The following ARHGEF11 variants were observed in gnomAD, a reference collection of about 807,000 sequenced individuals.
ARHGEF11 encodes the protein Rho guanine nucleotide exchange factor 11.
ARHGEF11 carries 55 observed loss-of-function variants against 193.7 expected under a neutral mutation model. The ratio of observed to expected loss-of-function variants is 0.28; its 90% CI spans 0.23 to 0.36. The LOEUF (loss-of-function observed/expected upper bound fraction) is 0.36. ARHGEF11 is among the 10% of genes least tolerant of loss of function. The pLI is 1.00. For missense variants in ARHGEF11, 1,723 were observed against 2,005.6 expected, an observed-to-expected ratio of 0.86 and a Z score of 2.69; for synonymous variants, 693 against 768.0, an observed-to-expected ratio of 0.90 and a Z score of 1.62.
At position 156,935,600 on chromosome 1, in the gene ARHGEF11, T is replaced by C. The variant is rs769603485; in HGVS notation, c.*400A>G. The stretch of plus-strand genomic sequence containing the variant: ...GCACCCACCTCTGCCTGGGGTCTTA[T>C]GGAGAAAGAGGGGAGGAAGAAAGTG... On this transcript the variant is annotated 3_prime_UTR_variant, in exon 41 of 41. Coordinates refer to ENST00000368194, the MANE Select transcript of ARHGEF11 (RefSeq NM_198236.3). 4.0e-5 allele frequency: 7 copies of C among 174,852 alleles called. No homozygotes were observed. Among genetic ancestry groups the C allele is most frequent in the Non-Finnish European group, 7.2e-5 (6 of 83,222 alleles). The allele number at this position is 174,852 out of a possible 1,614,324, so 10.8% of individuals were successfully genotyped here.
chr1:157,025,713 G>A (rs1181074172), intron 1 of ARHGEF11, among the ~76,000 whole-genome samples: 3 of 152,134 alleles, frequency 2.0e-5, no homozygotes, highest in Admixed American at 1.3e-4. Flanking sequence ...ATTCAAGGGA[G>A]GATAGATCAA....
Position 156,942,772 on chromosome 1 carries a change from C to G in ARHGEF11, c.3244G>C (p.Ala1082Pro), listed in dbSNP as rs779687676. The change falls in exon 33 of 41, where the codon GCC becomes CCC. Residue 1082 changes from alanine (A) to proline (P), a missense_variant. Coordinates refer to ENST00000368194, the MANE Select transcript of ARHGEF11 (RefSeq NM_198236.3). ...LIRSVATDKR[A>P]FFIICTSKLG... The stretch of plus-strand genomic sequence containing the variant: ...TTGGAGGTGCAGATGATGAAGAAGG[C>G]CCGTTTATCTGTGTGAGGAAAGGAA... 1 of 1,614,004 alleles carries G rather than the reference C, an allele frequency of 6.2e-7. No individual in the cohort carries two copies. Among genetic ancestry groups the G allele is most frequent in the Non-Finnish European group, 8.5e-7 (1 of 1,179,894 alleles).
chr1:156,957,686 A>G, intron 18 of ARHGEF11, 106 bp downstream of exon 18: 1 of 1,267,054 alleles, frequency 7.9e-7, no homozygotes, highest in Non-Finnish European at 1.2e-6. Flanking sequence ...TCATGGTTGT[A>G]CAACATGAGG....
intron 1 of ARHGEF11, among the ~76,000 whole-genome samples, chr1:157,038,498 G>C (rs1672345163): frequency 6.6e-6 from 1 of 152,310 alleles, no homozygotes; most frequent in South Asian, 2.1e-4. Flanking sequence ...TGTGGCAGAG[G>C]AAGTTTCGTA....
chr1:156,942,844 G>T, intron 32 of ARHGEF11, 64 bp from the exon 33 acceptor site: 1 of 1,409,830 alleles, frequency 7.1e-7, no homozygotes, highest in Non-Finnish European at 1.0e-6. Context: ...TGCAGCCTGG[G>T]CCAGGGTGAC....
Position 156,936,494 on chromosome 1 carries a change from AAAAATAT to A in ARHGEF11, c.4630+315_4630+321del, listed in dbSNP as rs1255472153. Reference sequence around the variant, plus strand: ...TCAAATAAATAGAAAAAAAAAAAAAAAAAATATATATATATATATATATATATATATA... The same window carrying A: ...TCAAATAAATAGAAAAAAAAAAAAAAATATATATATATATATATATATATA... On this transcript the variant is annotated intron_variant, in intron 40 of 40. Coordinates refer to ENST00000368194, the MANE Select transcript of ARHGEF11 (RefSeq NM_198236.3). Among the ~76,000 whole-genome samples, 494 of 90,194 alleles carry A rather than the reference AAAAATAT, an allele frequency of 5.5e-3. 8 individuals carry two copies. The highest frequency in any genetic ancestry group is 0.015 in the African/African-American group (306 of 20,512). The allele number at this position is 90,194 out of a possible 152,430, so 59.2% of individuals were successfully genotyped here.
intron 1 of ARHGEF11, among the ~76,000 whole-genome samples, chr1:157,004,816 G>T (rs1055619652): frequency 6.6e-6 from 1 of 152,152 alleles, no homozygotes; most frequent in African/African-American, 2.4e-5. Context: ...GGAATTCCCT[G>T]GGTGAGACCC....
intron 1 of ARHGEF11, among the ~76,000 whole-genome samples, chr1:157,019,158 T>C (rs1387851990): frequency 6.6e-6 from 1 of 152,188 alleles, no homozygotes; most frequent in African/African-American, 2.4e-5. Flanking sequence ...TTAAGAACTT[T>C]TGTTCCTCAA....
chr1:157,023,872 A>G (rs1442250931), intron 1 of ARHGEF11, among the ~76,000 whole-genome samples: 2 of 152,184 alleles, frequency 1.3e-5, no homozygotes, highest in African/African-American at 2.4e-5. Flanking sequence ...ACTTTGGAAA[A>G]GTTTGGTAGT....
Position 156,940,103 on chromosome 1 carries a change from C to A in ARHGEF11, c.3733+104G>T. ...CCGCATCCATCTCTCCTCAAGCACA[C>A]CAGGAAGAGCCTTCGGGAAGGTGGA... On this transcript the variant is annotated intron_variant, in intron 36 of 40. Coordinates refer to ENST00000368194, the MANE Select transcript of ARHGEF11 (RefSeq NM_198236.3). The A allele has an allele frequency of 2.1e-6, 3 of 1,427,934 alleles. No homozygotes were observed. The South Asian group carries it at 4.2e-5, about 20-fold the overall frequency. The allele number at this position is 1,427,934 out of a possible 1,614,324, so 88.5% of individuals were successfully genotyped here.
chr1:156,997,675 G>C (rs998571247), intron 1 of ARHGEF11, among the ~76,000 whole-genome samples: 14 of 151,892 alleles, frequency 9.2e-5, no homozygotes, highest in Non-Finnish European at 1.5e-4. Context: ...ATGTGGCTAA[G>C]AGCACCAGAA....
upstream of ARHGEF11, among the ~76,000 whole-genome samples, chr1:157,045,840 CCTCCTTCCCTGCGAGCCTTT>C (rs1239375081): frequency 2.0e-5 from 3 of 151,182 alleles, no homozygotes; most frequent in African/African-American, 7.3e-5. Context: ...CCCTTCCCTC[CCTCCTTCCCTGCGAGCCTTT>C]CTCCTTCCCT....
intron 40 of ARHGEF11, among the ~76,000 whole-genome samples, chr1:156,936,497 A>AATATATATATATATAT (rs1553192804): frequency 3.8e-4 from 13 of 33,916 alleles, no homozygotes; most frequent in East Asian, 2.2e-3. Flanking sequence ...AAAAAAAAAA[A>AATATATATATATATAT]ATATATATAT....
chr1:156,978,956 G>A (rs540148196), intron 5 of ARHGEF11, among the ~76,000 whole-genome samples: 1 of 152,236 alleles, frequency 6.6e-6, no homozygotes, highest in South Asian at 2.1e-4. Context: ...CCTGGTCTCA[G>A]TAGGATATGG....
intron 14 of ARHGEF11, among the ~76,000 whole-genome samples, chr1:156,961,449 A>G (rs1660832860): frequency 6.6e-6 from 1 of 152,198 alleles, no homozygotes; most frequent in Admixed American, 6.5e-5. Context: ...TCTTCCTCCA[A>G]ACATTCCAGA....
intron 1 of ARHGEF11, among the ~76,000 whole-genome samples, chr1:156,994,391 T>TA (rs1557920675): frequency 3.0e-4 from 8 of 26,790 alleles, no homozygotes; most frequent in African/African-American, 9.1e-4. Flanking sequence ...TTTTATTGTG[T>TA]GTTTTTTTTT....
chr1:156,946,565 T>C (rs2101919836), intron 28 of ARHGEF11, 97 bp downstream of exon 28: 2 of 1,552,480 alleles, frequency 1.3e-6, no homozygotes, highest in Non-Finnish European at 1.8e-6. Flanking sequence ...GGAGTTGCTG[T>C]AGACAGGGAT....
chr1:157,046,648 C>G (rs912634312), upstream of ARHGEF11, among the ~76,000 whole-genome samples: 5 of 152,176 alleles, frequency 3.3e-5, no homozygotes, highest in African/African-American at 9.7e-5. Context: ...TCTTTGAACT[C>G]TATGGAAGAG....
chr1:157,034,355 T>G lies in ARHGEF11; in HGVS notation c.32+9944A>C, dbSNP rs568944822. ...CGGGACAATGGCAGGGTAGGCCTTG[T>G]GCCCATCAGACTCCTGCAGGGAAAG... is the stretch of plus-strand genomic sequence containing the variant. On this transcript the variant is annotated intron_variant, in intron 1 of 40. Coordinates refer to ENST00000368194, the MANE Select transcript of ARHGEF11 (RefSeq NM_198236.3). Among the ~76,000 whole-genome samples, 17 of 152,292 alleles carry G rather than the reference T, an allele frequency of 1.1e-4. No homozygotes were observed. In the South Asian group the frequency reaches 3.5e-3, roughly 32 times the overall value.
Sources: allele counts gnomAD v4.1 joint callset (sites outside exome capture counted in the v4.1 genomes callset), GRCh38; gene constraint gnomAD v4.1.1; transcripts MANE v1.5; gene names NCBI Gene and HGNC (gene_info 2026-07-23, HGNC 2026-07-21).